FILIP1: variants seen among roughly 807,000 people sequenced by gnomAD.
FILIP1 encodes the protein filamin-A-interacting protein 1.
A neutral mutation model predicts 102.1 loss-of-function variants in FILIP1; 61 were observed. The observed-to-expected ratio is 0.60, with a 90% CI of 0.49 to 0.74. FILIP1 has a LOEUF of 0.74. FILIP1 is among the 30% of genes least tolerant of loss of function. The probability of loss-of-function intolerance (pLI) is 0.00; values close to 1 mark genes in which losing one functional copy is unlikely to be tolerated. For missense variants in FILIP1, 1,314 were observed against 1,441.2 expected (o/e 0.91, Z 1.43); for synonymous variants, 491 against 526.9 (o/e 0.93, Z 0.93).
chr6:75,364,228 ATGT>A (rs1775258542), intron 2 of FILIP1, among the ~76,000 whole-genome samples: 1 of 152,214 alleles, frequency 6.6e-6, no homozygotes, highest in South Asian at 2.1e-4. Context: ...GTTGGTGAGA[ATGT>A]TGAAGTCAGG....
At chr6:75,450,847 C>T (rs1216324213) in intron 1 of FILIP1, among the ~76,000 whole-genome samples, 1 of 151,982 alleles carries the variant, frequency 6.6e-6, no homozygotes, top group Non-Finnish European at 1.5e-5. Context: ...CCCAGCTACT[C>T]AGGTTGCTGA....
chr6:75,421,343 T>G (rs549994683), intron 1 of FILIP1, among the ~76,000 whole-genome samples: 1 of 152,252 alleles, frequency 6.6e-6, no homozygotes, highest in African/African-American at 2.4e-5. Flanking sequence ...ATGCAAATTG[T>G]TTGAATTTTC....
chr6:75,381,811 C>A (rs1452114315), intron 2 of FILIP1, among the ~76,000 whole-genome samples: 1 of 152,110 alleles, frequency 6.6e-6, no homozygotes, highest in African/African-American at 2.4e-5. Flanking sequence ...CTTTCAGGAG[C>A]ATTATTTAAT....
intron 4 of FILIP1, among the ~76,000 whole-genome samples, chr6:75,324,337 T>A (rs1773760933): frequency 3.8e-5 from 3 of 78,182 alleles, no homozygotes; most frequent in African/African-American, 4.9e-5. Flanking sequence ...CTTAGAAATA[T>A]ACCTAACCAA....
exon 7 of FILIP1, chr6:75,295,887 C>G: frequency 7.0e-7 from 1 of 1,428,734 alleles, no homozygotes; most frequent in Non-Finnish European, 9.1e-7. Context: ...TACACACACC[C>G]AGTATGTGCT....
chr6:75,390,992 C>G (rs1043617313), intron 2 of FILIP1, among the ~76,000 whole-genome samples: 1 of 152,082 alleles, frequency 6.6e-6, no homozygotes, highest in Non-Finnish European at 1.5e-5. Flanking sequence ...CTTGTATGGT[C>G]ATACCCTAGT....
chr6:75,336,186 T>C (rs1459257807), intron 4 of FILIP1, among the ~76,000 whole-genome samples: 1 of 152,170 alleles, frequency 6.6e-6, no homozygotes, highest in East Asian at 1.9e-4. Flanking sequence ...AAGGCTGCAC[T>C]AGTGCTGGGG....
At chr6:75,306,783 C>T (rs1277118909), downstream of FILIP1, among the ~76,000 whole-genome samples, 10 of 149,554 alleles carry the variant, frequency 6.7e-5, no homozygotes, top group Non-Finnish European at 1.3e-4. Context: ...GACAGAGTCT[C>T]TCTCTGTCGC....
chr6:75,337,992 T>A (rs1300524448), intron 4 of FILIP1, among the ~76,000 whole-genome samples: 2 of 152,176 alleles, frequency 1.3e-5, no homozygotes, highest in Admixed American at 1.3e-4. Context: ...AGAGCATTCC[T>A]CCCCTCTAAG....
chr6:75,375,026 A>C (rs1775705790), intron 2 of FILIP1, among the ~76,000 whole-genome samples: 2 of 152,210 alleles, frequency 1.3e-5, no homozygotes, highest in African/African-American at 4.8e-5. Context: ...TTCCTGGGAA[A>C]GAACTCATCC....
chr6:75,353,574 G>T lies in FILIP1; in HGVS notation c.594C>A (p.Asp198Glu), dbSNP rs368134961. ...HKHTDYMNKS[D>E]DFTNLLEQER... The stretch of plus-strand genomic sequence containing the variant: ...CCTGCTCCAGCAGGTTGGTGAAGTC[G>T]TCGCTCTTGTTCATGTAGTCAGTGT... Residue 198 changes from aspartate to glutamate, a missense_variant, in exon 4 of 6, where the codon GAC (aspartate) becomes GAA (glutamate). Asp to Glu is a conservative substitution (Grantham distance 45). Around this residue, in one of 3 missense-constraint regions of FILIP1, gnomAD observed 494 missense variants for 511.2 expected, o/e 0.97. Coordinates refer to ENST00000237172, the MANE Select transcript of FILIP1 (RefSeq NM_015687.5). The T allele has an allele frequency of 6.2e-7, 1 of 1,614,162 alleles. No individual in the cohort carries two copies. Among genetic ancestry groups the T allele is most frequent in the South Asian group, 1.1e-5 (1 of 91,088 alleles).
exon 7 of FILIP1, chr6:75,293,041 T>C (rs1772581080): frequency 6.6e-6 from 1 of 152,242 alleles, no homozygotes; most frequent in Non-Finnish European, 1.5e-5. Flanking sequence ...TGTATTTATC[T>C]ACCATCTTCA....
At chr6:75,455,803 C>T (rs182980524) in intron 1 of FILIP1, among the ~76,000 whole-genome samples, 74 of 152,304 alleles carry the variant, frequency 4.9e-4, no homozygotes, top group African/African-American at 1.7e-3. Flanking sequence ...CAGTGAATTA[C>T]TGAACGGCTA....
chr6:75,319,778 T>G, intron 4 of FILIP1: 1 of 322,856 alleles, frequency 3.1e-6, no homozygotes, highest in Non-Finnish European at 5.8e-6. Context: ...TGCAGTGAGC[T>G]GAGATTGTGC....
At chr6:75,307,019 T>C (rs1773007436), downstream of FILIP1, among the ~76,000 whole-genome samples, 1 of 152,178 alleles carries the variant, frequency 6.6e-6, no homozygotes, top group African/African-American at 2.4e-5. Flanking sequence ...GCCAGGCTGG[T>C]CTCGAACTCC....
At chr6:75,417,388 G>C (rs1335304717) in intron 1 of FILIP1, among the ~76,000 whole-genome samples, 1 of 152,144 alleles carries the variant, frequency 6.6e-6, no homozygotes, top group Non-Finnish European at 1.5e-5. Context: ...AATAACAAAT[G>C]AATCAAGAAT....
intron 1 of FILIP1, among the ~76,000 whole-genome samples, chr6:75,435,910 A>C (rs577276144): frequency 6.6e-6 from 1 of 152,278 alleles, no homozygotes; most frequent in Admixed American, 6.5e-5. Flanking sequence ...TACTCAGAAG[A>C]GTGAAGGAGC....
intron 4 of FILIP1, among the ~76,000 whole-genome samples, chr6:75,322,166 AGCATGTATCTATTCACAAAACATAAT>A (rs1773687166): frequency 6.6e-6 from 1 of 152,206 alleles, no homozygotes; most frequent in Non-Finnish European, 1.5e-5. Flanking sequence ...TCAGAAATAT[AGCATGTATCTATTCACAAAACATAAT>A]GCCTATGGCA....
intron 2 of FILIP1, among the ~76,000 whole-genome samples, chr6:75,369,748 G>A (rs553829308): frequency 6.6e-6 from 1 of 152,228 alleles, no homozygotes; most frequent in East Asian, 1.9e-4. Flanking sequence ...AAAGACTTGG[G>A]GTAGATGATA....
Sources: allele counts gnomAD v4.1 joint callset (sites outside exome capture counted in the v4.1 genomes callset), GRCh38; gene constraint gnomAD v4.1.1; regional missense constraint gnomAD v4.1.1; transcripts MANE v1.5; gene names NCBI Gene and HGNC (gene_info 2026-07-23, HGNC 2026-07-21).